SEMA3F: variants seen among roughly 807,000 people sequenced by gnomAD.
The protein encoded by SEMA3F is semaphorin 3F.
SEMA3F carries 30 observed loss-of-function variants against 98.5 expected under a neutral mutation model. The ratio of observed to expected loss-of-function variants is 0.30; its 90% CI spans 0.23 to 0.41. The LOEUF (loss-of-function observed/expected upper bound fraction) is 0.41, where lower values mean the gene tolerates loss of function less well. Among genes scored for constraint, SEMA3F ranks in the 10% least tolerant of loss-of-function variants. The pLI, the probability that SEMA3F is intolerant of heterozygous loss-of-function variation, is 1.00. For synonymous variants in SEMA3F, 380 were observed against 444.8 expected (o/e 0.85, Z 1.83); for missense variants, 866 against 1,119.3 (o/e 0.77, Z 3.23).
At chr3:50,167,505 G>A (rs1433382893) in intron 2 of SEMA3F, among the ~76,000 whole-genome samples, 1 of 152,214 alleles carries the variant, frequency 6.6e-6, no homozygotes, top group African/African-American at 2.4e-5. Flanking sequence ...GGTGAGCACT[G>A]GGGCGGAACG....
intron 2 of SEMA3F, among the ~76,000 whole-genome samples, chr3:50,167,725 G>A (rs1319197897): frequency 6.6e-6 from 1 of 152,166 alleles, no homozygotes; most frequent in African/African-American, 2.4e-5. Context: ...CATCTTGAGG[G>A]TCCCACTGGG....
At chr3:50,178,954 C>A (rs920052850) in intron 7 of SEMA3F, among the ~76,000 whole-genome samples, 3 of 151,172 alleles carry the variant, frequency 2.0e-5, no homozygotes, top group African/African-American at 7.3e-5. Context: ...GCCTCAGCCT[C>A]CTGAGTAGCT....
At chr3:50,155,086 G>A, upstream of SEMA3F, 1 of 401,430 alleles carries the variant, frequency 2.5e-6, no homozygotes, top group Non-Finnish European at 4.6e-6. This position sits in a 1 kb window ranked among gnomAD's most constrained non-coding sequence, Gnocchi z 4.9. Flanking sequence ...GCGGCCGCGA[G>A]ACCAGAGCGA....
intron 16 of SEMA3F, 115 bp downstream of exon 16, chr3:50,186,161 C>A: frequency 6.9e-7 from 1 of 1,447,734 alleles, no homozygotes; most frequent in Non-Finnish European, 9.5e-7. Context: ...CTAGGGGAGT[C>A]TTATGGGTAA....
chr3:50,159,802 C>T, intron 2 of SEMA3F, 68 bp downstream of exon 2: 1 of 1,074,756 alleles, frequency 9.3e-7, no homozygotes, highest in Non-Finnish European at 1.4e-6. Context: ...CTCCTCTGCA[C>T]ACGAGAGAAA....
Position 50,188,106 on chromosome 3 carries a change from G to T in SEMA3F, c.2349G>T (p.Pro783=), listed in dbSNP as rs767035862. The T allele has an allele frequency of 5.3e-6, 8 of 1,515,396 alleles. No homozygotes were observed. The South Asian group carries it at 1.0e-4, about 19-fold the overall frequency. The allele number at this position is 1,515,396 out of a possible 1,614,324, so 93.9% of individuals were successfully genotyped here. The change falls in exon 19 of 19, where the codon CCG becomes CCT. Residue 783 remains proline, a synonymous_variant. Transcript: ENST00000002829. This position sits in a 1 kb window ranked among gnomAD's most constrained non-coding sequence, Gnocchi z 4.5. ...CCCGGAACCGCCGGCACCACCCTCC[G>T]GACACATGAGGCCAGCTGCCTGTGC... is the stretch of plus-strand genomic sequence containing the variant. ...KKPRNRRHHP[P]DT
chr3:50,180,947 G>C (rs1272668546), intron 7 of SEMA3F, among the ~76,000 whole-genome samples: 1 of 151,956 alleles, frequency 6.6e-6, no homozygotes, highest in African/African-American at 2.4e-5. Context: ...GGCACCTGTA[G>C]TCCCAGCTAC....
chr3:50,161,480 C>T (rs753398868), intron 2 of SEMA3F, among the ~76,000 whole-genome samples: 1 of 152,244 alleles, frequency 6.6e-6, no homozygotes, highest in South Asian at 2.1e-4. Context: ...CCGACACCCG[C>T]AGTGACTAAA....
chr3:50,174,462 C>G, intron 5 of SEMA3F, 112 bp downstream of exon 5: 3 of 1,331,652 alleles, frequency 2.3e-6, no homozygotes, highest in Non-Finnish European at 3.1e-6. Flanking sequence ...GCCTTTTGAC[C>G]TTGGGTGAGT....
chr3:50,168,725 C>T lies in SEMA3F; in HGVS notation c.113-5068C>T, dbSNP rs530425744. The stretch of plus-strand genomic sequence containing the variant: ...AGCTTTGGGGGAGTGATAAAAGGGC[C>T]GGGGCCACCCCTTCCTGGATCCTGT... On this transcript the variant is annotated intron_variant, in intron 2 of 18. Coordinates refer to ENST00000002829, the MANE Select transcript of SEMA3F (RefSeq NM_004186.5). Among the ~76,000 whole-genome samples the T allele has an allele frequency of 8.5e-5, 13 of 152,254 alleles. 1 individual carries two copies. Among genetic ancestry groups the T allele is most frequent in the African/African-American group, 1.2e-4 (5 of 41,538 alleles).
chr3:50,185,899 A>C lies in SEMA3F; in HGVS notation c.1598A>C (p.Tyr533Ser). The C allele has an allele frequency of 6.2e-7, 1 of 1,612,324 alleles. No homozygotes were observed. The highest frequency in any genetic ancestry group is 8.5e-7 in the Non-Finnish European group (1 of 1,178,792). The change falls in exon 16 of 19, where the codon TAC becomes TCC. Residue 533 changes from tyrosine to serine, a missense_variant. Physicochemically the swap from Tyr to Ser is moderately radical, Grantham distance 144 (BLOSUM62 -2). Transcript: ENST00000002829. ...MTISSKRQQL[Y>S]VASAVGVTHL... ...TACCCTTTGCCCCAGCAACAACTCT[A>C]CGTGGCGTCAGCCGTGGGTGTCACA...
chr3:50,167,216 G>A (rs1698436795), intron 2 of SEMA3F, among the ~76,000 whole-genome samples: 1 of 152,200 alleles, frequency 6.6e-6, no homozygotes, highest in South Asian at 2.1e-4. Context: ...TAAGTTCCAA[G>A]TGGGACGTCT....
In SEMA3F at chr3:50,155,703, A is replaced by G. The variant is rs1697951039; in HGVS notation, c.-49+139A>G. The G allele has an allele frequency of 4.4e-6, 1 of 229,016 alleles. No individual in the cohort carries two copies. Among genetic ancestry groups the G allele is most frequent in the African/African-American group, 2.3e-5 (1 of 43,294 alleles). 14.2% of individuals were successfully genotyped at this position (229,016 alleles called of 1,614,324 possible). ...GAGCCGGGGGGCTGCCCGCGGACAT[A>G]GGGGCAACAAGGCTGGGGTGGGATT... On this transcript the variant is annotated intron_variant, in intron 1 of 18. Transcript: ENST00000002829. The surrounding 1 kb of genome is among the most constrained non-coding windows in gnomAD (Gnocchi z 4.9).
intron 7 of SEMA3F, among the ~76,000 whole-genome samples, chr3:50,180,024 C>CA (rs1429473588): frequency 6.6e-6 from 1 of 152,220 alleles, no homozygotes; most frequent in African/African-American, 2.4e-5. Context: ...TAATTTCCTT[C>CA]AAGAACTTTT....
chr3:50,157,162 C>G (rs1698017322), intron 1 of SEMA3F, among the ~76,000 whole-genome samples: 1 of 151,956 alleles, frequency 6.6e-6, no homozygotes, highest in Non-Finnish European at 1.5e-5. Flanking sequence ...CTGTCCACCC[C>G]CACCCCCAAC....
rs1310315118 is a variant in SEMA3F at position 50,156,360 on chromosome 3, G to A, written c.-49+796G>A. On this transcript the variant is annotated intron_variant, in intron 1 of 18. Transcript: ENST00000002829. This position sits in a 1 kb window ranked among gnomAD's most constrained non-coding sequence, Gnocchi z 4.5. ...TGCTGGCGGGAGTTGGCTGGAGCTG[G>A]GGCTGGGGGCCCCACTGGATAAATA... 1.3e-5 allele frequency among the ~76,000 whole-genome samples: 2 copies of A among 152,206 alleles called. No individual in the cohort carries two copies. Among genetic ancestry groups the A allele is most frequent in the Non-Finnish European group, 2.9e-5 (2 of 68,036 alleles).
At chr3:50,175,036 G>A (rs747522174) in intron 5 of SEMA3F, 60 bp from the exon 6 acceptor site, 30 of 1,225,572 alleles carry the variant, frequency 2.4e-5, no homozygotes, top group Non-Finnish European at 3.3e-5. Flanking sequence ...CTGGCAGCCC[G>A]AGCCCGCTCC....
At chr3:50,171,783 G>T (rs567497963) in intron 2 of SEMA3F, among the ~76,000 whole-genome samples, 1 of 152,172 alleles carries the variant, frequency 6.6e-6, no homozygotes, top group Non-Finnish European at 1.5e-5. Context: ...TGCCTGGGCC[G>T]CCCTGCCCAG....
In SEMA3F at chr3:50,182,205, C is replaced by T; in HGVS notation, c.644-79C>T. On this transcript the variant is annotated intron_variant, in intron 7 of 18. Coordinates refer to ENST00000002829, the MANE Select transcript of SEMA3F (RefSeq NM_004186.5). This position sits in a 1 kb window ranked among gnomAD's most constrained non-coding sequence, Gnocchi z 4.5. ...GGAGCCTGAGCGGGGAGATAAGGCC[C>T]TGCCCTGGAAGTCATCTGAGCTGTG... The T allele has an allele frequency of 6.3e-7, 1 of 1,594,702 alleles. No individual in the cohort carries two copies. Among genetic ancestry groups the T allele is most frequent in the South Asian group, 1.1e-5 (1 of 90,422 alleles).
Sources: allele counts gnomAD v4.1 joint callset (sites outside exome capture counted in the v4.1 genomes callset), GRCh38; gene constraint gnomAD v4.1.1; non-coding constraint Gnocchi (gnomAD v3.1); transcripts MANE v1.5; gene names NCBI Gene and HGNC (gene_info 2026-07-23, HGNC 2026-07-21).